The following AGAP1 variants were observed in gnomAD, a reference collection of about 807,000 sequenced individuals.
AGAP1 encodes the protein ArfGAP with GTPase domain, ankyrin repeat and PH domain 1.
In AGAP1, 29 loss-of-function variants were observed where a neutral mutation model predicts 105.3. The observed-to-expected ratio is 0.28, with a 90% CI of 0.21 to 0.38. AGAP1 has a LOEUF of 0.38. Ranked by LOEUF, AGAP1 falls within the 10% of genes least tolerant of loss-of-function variation. The pLI is 1.00. For missense variants in AGAP1, 998 were observed against 1,165.1 expected (o/e 0.86, Z 2.09); for synonymous variants, 509 against 485.9 (o/e 1.05, Z -0.63).
At chr2:236,094,627 C>G (rs2059148150) in intron 16 of AGAP1, among the ~76,000 whole-genome samples, 1 of 152,114 alleles carries the variant, frequency 6.6e-6, no homozygotes, top group African/African-American at 2.4e-5. Flanking sequence ...GCTGGAATTA[C>G]AGGCATGAGC....
In AGAP1 at chr2:235,884,911, C is replaced by T. The variant is rs375748570; in HGVS notation, c.1155+1462C>T. ...ATTTTTTGGTAGAGACTGGGTCTCC[C>T]TCTGTTGCCCAGGCTAGTTTTGAAT... On this transcript the variant is annotated intron_variant, in intron 10 of 17. Coordinates refer to ENST00000304032, the MANE Select transcript of AGAP1 (RefSeq NM_001037131.3). Among the ~76,000 whole-genome samples, 27 of 152,218 alleles carry T rather than the reference C, an allele frequency of 1.8e-4. No homozygotes were observed. In the South Asian group the frequency reaches 5.2e-3, roughly 29 times the overall value.
intron 16 of AGAP1, among the ~76,000 whole-genome samples, chr2:236,093,897 G>T (rs1041682725): frequency 6.6e-6 from 1 of 152,090 alleles, no homozygotes; most frequent in Non-Finnish European, 1.5e-5. Flanking sequence ...TTTAAAGGGG[G>T]TTTCTCTGAG....
rs370492468 is a variant in AGAP1, at chr2:235,830,362, G to A, written c.1050+23031G>A. Among the ~76,000 whole-genome samples, 21 of 152,320 alleles carry A rather than the reference G, an allele frequency of 1.4e-4. 1 individual carries two copies. Among genetic ancestry groups the A allele is most frequent in the African/African-American group, 4.6e-4 (19 of 41,580 alleles). ...GTCAGTGAGGAGATAGATGTGTGCT[G>A]TCACTTAGCAGTGTCCACTGTCTTT... On this transcript the variant is annotated intron_variant, in intron 9 of 17. Coordinates refer to ENST00000304032, the MANE Select transcript of AGAP1 (RefSeq NM_001037131.3). This position sits in a 1 kb window ranked among gnomAD's most constrained non-coding sequence, Gnocchi z 5.5.
chr2:235,586,436 T>C lies in AGAP1; in HGVS notation c.163+91587T>C, dbSNP rs545331437. On this transcript the variant is annotated intron_variant, in intron 1 of 17. Coordinates refer to ENST00000304032, the MANE Select transcript of AGAP1 (RefSeq NM_001037131.3). The surrounding 1 kb of genome is among the most constrained non-coding windows in gnomAD (Gnocchi z 4.2). ...CTCCCCAAATACTCGGACTCCCCTGTGGAAGGCAAGGTGGAGGCAGCTGTT... is the reference window on the plus strand; with the variant it reads ...CTCCCCAAATACTCGGACTCCCCTGCGGAAGGCAAGGTGGAGGCAGCTGTT... 6.6e-6 allele frequency among the ~76,000 whole-genome samples: 1 copy of C among 152,332 alleles called. No homozygotes were observed.
Position 235,867,770 on chromosome 2 carries a change from G to GAT in AGAP1, c.1051-15574_1051-15573dup, listed in dbSNP as rs1291625897. On this transcript the variant is annotated intron_variant, in intron 9 of 17. Coordinates refer to ENST00000304032, the MANE Select transcript of AGAP1 (RefSeq NM_001037131.3). This position sits in a 1 kb window ranked among gnomAD's most constrained non-coding sequence, Gnocchi z 5.4. ...GGAGCCTCAGCAGGGGCATCACCTG[G>GAT]ATGTACCATTTTCCGCATGGAGCTG... 1.3e-5 allele frequency among the ~76,000 whole-genome samples: 2 copies of GAT among 152,134 alleles called. No individual in the cohort carries two copies. The highest frequency in any genetic ancestry group is 6.6e-5 in the Admixed American group (1 of 15,264).
At chr2:235,924,458 G>A (rs994292741) in intron 11 of AGAP1, among the ~76,000 whole-genome samples, 1 of 152,126 alleles carries the variant, frequency 6.6e-6, no homozygotes, top group Admixed American at 6.5e-5. Context: ...AATGCAGTAG[G>A]GGCTCAGTTC....
chr2:235,894,015 AC>A (rs776684436), intron 10 of AGAP1, among the ~76,000 whole-genome samples: 25 of 152,258 alleles, frequency 1.6e-4, no homozygotes, highest in Non-Finnish European at 3.5e-4. Context: ...TGGCATTATT[AC>A]AAATGCTGCA....
chr2:236,120,515 G>T lies in AGAP1; in HGVS notation c.2370+68G>T. On this transcript the variant is annotated intron_variant, in intron 17 of 17. Transcript: ENST00000304032. The surrounding 1 kb of genome is among the most constrained non-coding windows in gnomAD (Gnocchi z 6.0). ...GCACTCTCTGCTTTGTTCTGCTTCC[G>T]TGGGCATCTTTCTGGCAGAAGGCTG... 1.9e-6 allele frequency: 3 copies of T among 1,589,242 alleles called. 1 individual carries two copies. Among genetic ancestry groups the T allele is most frequent in the South Asian group, 2.3e-5 (2 of 87,410 alleles).
Position 236,035,496 on chromosome 2 carries a change from A to G in AGAP1, c.1646-1065A>G, listed in dbSNP as rs187512342. Among the ~76,000 whole-genome samples, 5 of 152,254 alleles carry G rather than the reference A, an allele frequency of 3.3e-5. No homozygotes were observed. The highest frequency in any genetic ancestry group is 3.3e-4 in the Admixed American group (5 of 15,298). On this transcript the variant is annotated intron_variant, in intron 13 of 17. Coordinates refer to ENST00000304032, the MANE Select transcript of AGAP1 (RefSeq NM_001037131.3). The surrounding 1 kb of genome is among the most constrained non-coding windows in gnomAD (Gnocchi z 4.2). ...CTAACAATTGGCCAGGTGTGATGGT[A>G]CACACCTGTAGTCCGAGCTACTCAG...
Position 235,734,924 on chromosome 2 carries a change from A to G in AGAP1, c.311-6039A>G, listed in dbSNP as rs1238406187. Among the ~76,000 whole-genome samples, 3 of 151,424 alleles carry G rather than the reference A, an allele frequency of 2.0e-5. No homozygotes were observed. The highest frequency in any genetic ancestry group is 7.3e-5 in the African/African-American group (3 of 41,242). ...TGTGTCTGAACTCCTTTTCCTCCTG[A>G]GTGGATTTGGGTGTTGCCAGTGATG... On this transcript the variant is annotated intron_variant, in intron 3 of 17. Transcript: ENST00000304032. The surrounding 1 kb of genome is among the most constrained non-coding windows in gnomAD (Gnocchi z 5.3).
intron 1 of AGAP1, among the ~76,000 whole-genome samples, chr2:235,677,442 G>C (rs1352247455): frequency 6.6e-6 from 1 of 152,168 alleles, no homozygotes; most frequent in Non-Finnish European, 1.5e-5. Flanking sequence ...TGGTCTGTGG[G>C]AGTGGAAGGG....
At chr2:235,815,748 CT>C (rs1308326494) in intron 9 of AGAP1, among the ~76,000 whole-genome samples, 1 of 152,242 alleles carries the variant, frequency 6.6e-6, no homozygotes, top group East Asian at 1.9e-4. Context: ...AGTACTCCGA[CT>C]TGGGGGTTTC....
chr2:236,026,264 G>A (rs936497345), intron 13 of AGAP1, among the ~76,000 whole-genome samples: 3 of 152,176 alleles, frequency 2.0e-5, no homozygotes, highest in Non-Finnish European at 4.4e-5. Flanking sequence ...GGGACATCAC[G>A]TGCTCCAGTT....
In AGAP1 at chr2:235,864,898, TA is replaced by T. The variant is rs2049086592; in HGVS notation, c.1051-18445del. On this transcript the variant is annotated intron_variant, in intron 9 of 17. Coordinates refer to ENST00000304032, the MANE Select transcript of AGAP1 (RefSeq NM_001037131.3). This position sits in a 1 kb window ranked among gnomAD's most constrained non-coding sequence, Gnocchi z 5.0. ...TTAGCATTTGGTTCTGGTTGGGACT[TA>T]ATAATGCTAGCCAGACCTAATGTGA... is the stretch of plus-strand genomic sequence containing the variant. 1.3e-5 allele frequency among the ~76,000 whole-genome samples: 2 copies of T among 152,330 alleles called. No individual in the cohort carries two copies. Among genetic ancestry groups the T allele is most frequent in the Middle Eastern group, 3.4e-3 (1 of 294 alleles).
Position 236,051,344 on chromosome 2 carries a change from G to A in AGAP1, c.2114+2063G>A, listed in dbSNP as rs1395251493. Reference sequence around the variant, plus strand: ...TCGTAGAAAAGCAACGGTGAGTGATGATTGCAGTTCCCTGGTGATTGGTGA... The same window carrying A: ...TCGTAGAAAAGCAACGGTGAGTGATAATTGCAGTTCCCTGGTGATTGGTGA... On this transcript the variant is annotated intron_variant, in intron 16 of 17. Coordinates refer to ENST00000304032, the MANE Select transcript of AGAP1 (RefSeq NM_001037131.3). This position sits in a 1 kb window ranked among gnomAD's most constrained non-coding sequence, Gnocchi z 5.9. Among the ~76,000 whole-genome samples, 1 of 152,250 alleles carries A rather than the reference G, an allele frequency of 6.6e-6. No homozygotes were observed. Among genetic ancestry groups the A allele is most frequent in the Non-Finnish European group, 1.5e-5 (1 of 68,052 alleles).
At chr2:235,731,598 A>G (rs1217742732) in intron 3 of AGAP1, among the ~76,000 whole-genome samples, 3 of 152,174 alleles carry the variant, frequency 2.0e-5, no homozygotes, top group African/African-American at 7.2e-5. Flanking sequence ...TCTTCTGTTC[A>G]TTGAATTAGC....
chr2:235,875,914 T>C lies in AGAP1; in HGVS notation c.1051-7431T>C, dbSNP rs1047642316. On this transcript the variant is annotated intron_variant, in intron 9 of 17. Transcript: ENST00000304032. This position sits in a 1 kb window ranked among gnomAD's most constrained non-coding sequence, Gnocchi z 4.0. The stretch of plus-strand genomic sequence containing the variant: ...TATTTCATTTTAAAAACTCAATGCA[T>C]TGTTTGTTTATATTTAACATGGATT... 6.6e-6 allele frequency among the ~76,000 whole-genome samples: 1 copy of C among 152,228 alleles called. No homozygotes were observed. The highest frequency in any genetic ancestry group is 1.5e-5 in the Non-Finnish European group (1 of 68,048).
chr2:235,569,543 G>A lies in AGAP1; in HGVS notation c.163+74694G>A, dbSNP rs1001430421. On this transcript the variant is annotated intron_variant, in intron 1 of 17. Transcript: ENST00000304032. This position sits in a 1 kb window ranked among gnomAD's most constrained non-coding sequence, Gnocchi z 5.9. ...CTGGCCTCTTGTACCTCTGAGCCCCGAATTCTGCCCTCTGCCCATGTGAGC... is the reference window on the plus strand; with the variant it reads ...CTGGCCTCTTGTACCTCTGAGCCCCAAATTCTGCCCTCTGCCCATGTGAGC... 4.6e-5 allele frequency among the ~76,000 whole-genome samples: 7 copies of A among 152,176 alleles called. No individual in the cohort carries two copies. Among genetic ancestry groups the A allele is most frequent in the Admixed American group, 6.5e-5 (1 of 15,282 alleles).
Position 236,119,208 on chromosome 2 carries a change from G to A in AGAP1, c.2115-984G>A, listed in dbSNP as rs1158913132. 2.0e-5 allele frequency among the ~76,000 whole-genome samples: 3 copies of A among 151,936 alleles called. No individual in the cohort carries two copies. Among genetic ancestry groups the A allele is most frequent in the East Asian group, 1.9e-4 (1 of 5,174 alleles). Reference sequence around the variant, plus strand: ...AGCATCATCCACTCTCCACACCTCCGACCCCATCCACCCCCTCCCCAGCTT... The same window carrying A: ...AGCATCATCCACTCTCCACACCTCCAACCCCATCCACCCCCTCCCCAGCTT... On this transcript the variant is annotated intron_variant, in intron 16 of 17. Transcript: ENST00000304032. The surrounding 1 kb of genome is among the most constrained non-coding windows in gnomAD (Gnocchi z 6.6).
Sources: allele counts gnomAD v4.1 joint callset (sites outside exome capture counted in the v4.1 genomes callset), GRCh38; gene constraint gnomAD v4.1.1; non-coding constraint Gnocchi (gnomAD v3.1); transcripts MANE v1.5; gene names NCBI Gene and HGNC (gene_info 2026-07-23, HGNC 2026-07-21).